Variants in LRP1B observed in about 807,000 individuals in gnomAD.
LRP1B encodes the protein LDL receptor related protein 1B.
Under a neutral mutation model 556.6 loss-of-function variants are expected in LRP1B, and 217 were observed. That is an observed-to-expected ratio of 0.39 (90% CI 0.35 to 0.44). The LOEUF (loss-of-function observed/expected upper bound fraction) is 0.44. Ranked by LOEUF, LRP1B falls within the 20% of genes least tolerant of loss-of-function variation. LRP1B has a pLI of 1.00. For missense variants in LRP1B, 5,053 were observed against 5,620.8 expected (o/e 0.90, Z 3.23); for synonymous variants, 2,047 against 1,865.8 (o/e 1.10, Z -2.50).
At chr2:141,785,483 G>A (rs1695399372) in intron 2 of LRP1B, among the ~76,000 whole-genome samples, 1 of 151,700 alleles carries the variant, frequency 6.6e-6, no homozygotes, top group Admixed American at 6.6e-5. Context: ...GATTTTAGGT[G>A]ACTCTTTTCC....
chr2:141,332,596 TG>T (rs1559011243), intron 3 of LRP1B, among the ~76,000 whole-genome samples: 1 of 152,062 alleles, frequency 6.6e-6, no homozygotes, highest in East Asian at 1.9e-4. Flanking sequence ...CTCACTGTTC[TG>T]GGTTCTGTCT....
intron 47 of LRP1B, among the ~76,000 whole-genome samples, chr2:140,532,253 T>G (rs1690728233): frequency 6.6e-6 from 1 of 152,150 alleles, no homozygotes; most frequent in African/African-American, 2.4e-5. Flanking sequence ...GTAAATTTGA[T>G]TATATTTGGC....
At chr2:140,292,770 A>G (rs1469727557) in intron 84 of LRP1B, among the ~76,000 whole-genome samples, 1 of 152,170 alleles carries the variant, frequency 6.6e-6, no homozygotes, top group African/African-American at 2.4e-5. Context: ...ACATAGTGAC[A>G]GGCTCATTGT....
chr2:140,722,848 C>T (rs1687462750), intron 35 of LRP1B, among the ~76,000 whole-genome samples: 1 of 152,130 alleles, frequency 6.6e-6, no homozygotes, highest in Admixed American at 6.5e-5. Context: ...TCGAAACCAT[C>T]CTGGCTAACA....
chr2:140,467,980 G>T (rs1687618589), intron 60 of LRP1B, among the ~76,000 whole-genome samples: 1 of 152,206 alleles, frequency 6.6e-6, no homozygotes, highest in Non-Finnish European at 1.5e-5. Context: ...AATATCAAGG[G>T]TGTGGCCAAG....
At chr2:140,957,480 T>C (rs2105310331) in intron 18 of LRP1B, among the ~76,000 whole-genome samples, 1 of 146,400 alleles carries the variant, frequency 6.8e-6, no homozygotes, top group African/African-American at 2.5e-5. Context: ...AGGAAGTACA[T>C]ATACAATGAG....
intron 2 of LRP1B, among the ~76,000 whole-genome samples, chr2:141,539,609 G>T (rs147016376): frequency 8.8e-4 from 134 of 152,218 alleles, no homozygotes; most frequent in Non-Finnish European, 1.4e-3. Context: ...AACAGTTGAT[G>T]GTTGCAGGAT....
intron 12 of LRP1B, among the ~76,000 whole-genome samples, chr2:141,016,364 T>A (rs1181701225): frequency 6.6e-6 from 1 of 152,094 alleles, no homozygotes; most frequent in African/African-American, 2.4e-5. Flanking sequence ...ACTCCAGACT[T>A]TATTTAATCT....
chr2:141,930,436 G>T (rs1228026573), intron 1 of LRP1B, among the ~76,000 whole-genome samples: 1 of 152,036 alleles, frequency 6.6e-6, no homozygotes, highest in African/African-American at 2.4e-5. Context: ...ACTCTGCCAA[G>T]TGAGTTACTC....
intron 3 of LRP1B, among the ~76,000 whole-genome samples, chr2:141,362,028 T>C (rs1209282006): frequency 6.6e-6 from 1 of 152,214 alleles, no homozygotes; most frequent in East Asian, 1.9e-4. Flanking sequence ...ACAAGGAATA[T>C]TTAATAGCTT....
chr2:140,383,293 CGTGTGTGT>C (rs35151647), intron 67 of LRP1B, among the ~76,000 whole-genome samples: 7 of 145,746 alleles, frequency 4.8e-5, no homozygotes, highest in African/African-American at 1.8e-4. Flanking sequence ...CAGTGATGTG[CGTGTGTGT>C]GTGTGTGTGT....
rs1174201888 is a variant in LRP1B at position 141,185,686 on chromosome 2, ACAAAAAAAAAC to A, written c.1013+2724_1013+2734del. On this transcript the variant is annotated intron_variant, in intron 7 of 90. Transcript: ENST00000389484. Reference sequence around the variant, plus strand: ...CCATGGAGAACTGAAAAACAAACAAACAAAAAAAAACAAAAAAAAAAACAAGAACCAAAAAA... The same window carrying A: ...CCATGGAGAACTGAAAAACAAACAAAAAAAAAAAAAACAAGAACCAAAAAA... Among the ~76,000 whole-genome samples the A allele has an allele frequency of 9.6e-5, 8 of 83,460 alleles. No individual in the cohort carries two copies. The East Asian group carries it at 1.5e-3, about 16-fold the overall frequency. The allele number at this position is 83,460 out of a possible 152,430, so 54.8% of individuals were successfully genotyped here.
chr2:140,674,850 A>G (rs991950421), intron 41 of LRP1B, among the ~76,000 whole-genome samples: 2 of 152,220 alleles, frequency 1.3e-5, no homozygotes, highest in African/African-American at 4.8e-5. Flanking sequence ...AGGATACAAA[A>G]TTCCTATTTG....
intron 75 of LRP1B, among the ~76,000 whole-genome samples, chr2:140,353,637 C>T (rs1558823566): frequency 6.6e-6 from 1 of 152,116 alleles, no homozygotes; most frequent in South Asian, 2.1e-4. Context: ...CCTTGGTCTC[C>T]AACCATATAT....
intron 29 of LRP1B, among the ~76,000 whole-genome samples, chr2:140,843,210 A>T (rs1160259733): frequency 1.3e-5 from 2 of 150,182 alleles, no homozygotes; most frequent in African/African-American, 2.5e-5. Flanking sequence ...AATATATTCC[A>T]CTCCTAAATT....
chr2:141,623,296 C>A (rs1688571036), intron 2 of LRP1B, among the ~76,000 whole-genome samples: 3 of 152,030 alleles, frequency 2.0e-5, no homozygotes, highest in Admixed American at 2.0e-4. Flanking sequence ...CAGAGTTTTG[C>A]CATTTATTTG....
intron 7 of LRP1B, among the ~76,000 whole-genome samples, chr2:141,166,367 CTTTTT>C (rs35200370): frequency 2.3e-5 from 3 of 132,738 alleles, no homozygotes; most frequent in Non-Finnish European, 4.7e-5. Flanking sequence ...CTCTCTCATT[CTTTTT>C]TTTTTTTTTT....
At chr2:140,571,100 A>G (rs578047142) in intron 43 of LRP1B, among the ~76,000 whole-genome samples, 2 of 151,946 alleles carry the variant, frequency 1.3e-5, no homozygotes, top group Admixed American at 1.3e-4. Flanking sequence ...CTGGAACAAG[A>G]TAAGAATGCA....
intron 86 of LRP1B, among the ~76,000 whole-genome samples, chr2:140,265,146 G>GA (rs1324414958): frequency 1.3e-5 from 2 of 151,996 alleles, no homozygotes; most frequent in South Asian, 4.1e-4. Context: ...TAACACTAGG[G>GA]AAAAAATCTT....
Sources: allele counts gnomAD v4.1 joint callset (sites outside exome capture counted in the v4.1 genomes callset), GRCh38; gene constraint gnomAD v4.1.1; transcripts MANE v1.5; gene names NCBI Gene and HGNC (gene_info 2026-07-23, HGNC 2026-07-21).